Variants in ABCG1 observed in about 807,000 individuals in gnomAD.
ABCG1 encodes ATP binding cassette subfamily G member 1.
ABCG1 carries 29 observed loss-of-function variants against 69.2 expected under a neutral mutation model. The ratio of observed to expected loss-of-function variants is 0.42; its 90% confidence interval spans 0.31 to 0.57. The LOEUF (loss-of-function observed/expected upper bound fraction) is 0.57, where lower values mean the gene tolerates loss of function less well. ABCG1 is among the 20% of genes least tolerant of loss of function. The pLI is 0.15. For missense variants in ABCG1, 718 were observed against 898.1 expected, an observed-to-expected ratio of 0.80 and a Z score of 2.56; for synonymous variants, 370 against 374.8, an observed-to-expected ratio of 0.99 and a Z score of 0.15.
chr21:42,291,000 C>T, intron 11 of ABCG1, 92 bp from the exon 12 acceptor site: 1 of 931,324 alleles, frequency 1.1e-6, no homozygotes, highest in Non-Finnish European at 1.7e-6. Flanking sequence ...GCTGGGTTAC[C>T]AGCCGCTCAG....
chr21:42,287,662 G>C lies in ABCG1; in HGVS notation c.974-227G>C, dbSNP rs2068967963. On this transcript the variant is annotated intron_variant, in intron 8 of 14. Transcript: ENST00000398449. The surrounding 1 kb of genome is among the most constrained non-coding windows in gnomAD (Gnocchi z 6.2). ...TACTTCTCAGACCACTGACAGCACA[G>C]TGTGTGTTTGCGTTTCCCGTCTCCT... Among the ~76,000 whole-genome samples, 2 of 152,230 alleles carry C rather than the reference G, an allele frequency of 1.3e-5. No homozygotes were observed. Among genetic ancestry groups the C allele is most frequent in the Admixed American group, 1.3e-4 (2 of 15,288 alleles).
intron 1 of ABCG1, chr21:42,220,047 G>C: frequency 6.4e-7 from 1 of 1,551,620 alleles, no homozygotes. Flanking sequence ...CACAGTTACT[G>C]TAAGTGCTGT....
In ABCG1 at chr21:42,291,319, G is replaced by A. The variant is rs915775487; in HGVS notation, c.1494+127G>A. 8.6e-7 allele frequency: 1 copy of A among 1,161,642 alleles called. No individual in the cohort carries two copies. The highest frequency in any genetic ancestry group is 1.2e-6 in the Non-Finnish European group (1 of 809,916). 72.0% of individuals were successfully genotyped at this position (1,161,642 alleles called of 1,614,324 possible). A position where few individuals can be genotyped will look rare whatever the true frequency, so the allele number is the denominator to read the frequency against. On this transcript the variant is annotated intron_variant, in intron 12 of 14. Coordinates refer to ENST00000398449, the MANE Select transcript of ABCG1 (RefSeq NM_016818.3). The surrounding 1 kb of genome is among the most constrained non-coding windows in gnomAD (Gnocchi z 6.4). ...CCCGACTTCGGGAGCTCTGGTGGGAGCTGCGGGGAAGGGCCTGACTTCGGG... is the reference window on the plus strand; with the variant it reads ...CCCGACTTCGGGAGCTCTGGTGGGAACTGCGGGGAAGGGCCTGACTTCGGG...
rs1000759364 is a variant in ABCG1 at position 42,287,319 on chromosome 21, G to C, written c.974-570G>C. 2.0e-5 allele frequency among the ~76,000 whole-genome samples: 3 copies of C among 152,144 alleles called. No individual in the cohort carries two copies. Among genetic ancestry groups the C allele is most frequent in the Non-Finnish European group, 2.9e-5 (2 of 68,026 alleles). On this transcript the variant is annotated intron_variant, in intron 8 of 14. Coordinates refer to ENST00000398449, the MANE Select transcript of ABCG1 (RefSeq NM_016818.3). The surrounding 1 kb of genome is among the most constrained non-coding windows in gnomAD (Gnocchi z 6.2). ...AGTGGGGAGGTGACGATTGGGATGC[G>C]AGAGGCAGGAGCAGCGGGCAGGGCC...
At chr21:42,204,367 T>C (rs1165577640) in intron 2 of ABCG1, among the ~76,000 whole-genome samples, 3 of 152,196 alleles carry the variant, frequency 2.0e-5, no homozygotes, top group Non-Finnish European at 4.4e-5. Flanking sequence ...ATTAATTATA[T>C]TATTAACTGT....
chr21:42,247,307 G>C (rs553061549), intron 2 of ABCG1, among the ~76,000 whole-genome samples: 39 of 152,176 alleles, frequency 2.6e-4, no homozygotes, highest in Non-Finnish European at 4.9e-4. Context: ...AGGGACACAA[G>C]GAGCTCTCAC....
chr21:42,288,341 C>T lies in ABCG1; in HGVS notation c.1224+29C>T. 1 of 1,539,594 alleles carries T rather than the reference C, an allele frequency of 6.5e-7. No individual in the cohort carries two copies. The highest frequency in any genetic ancestry group is 1.4e-5 in the African/African-American group (1 of 73,508). ...AGGCTGCCCGCATCTTCTCCTGTAG[C>T]TGGGGAACCCGTGGGTCATTTTCTC... On this transcript the variant is annotated intron_variant, in intron 10 of 14. Coordinates refer to ENST00000398449, the MANE Select transcript of ABCG1 (RefSeq NM_016818.3). The surrounding 1 kb of genome is among the most constrained non-coding windows in gnomAD (Gnocchi z 4.8).
chr21:42,289,957 G>A lies in ABCG1; in HGVS notation c.1225-93G>A, dbSNP rs1285158623. ...CTAAGACGTGCTGTCACAGAGTTCA[G>A]GGTCCCATGCTTCCAAAGGCCGCAT... On this transcript the variant is annotated intron_variant, in intron 10 of 14. Coordinates refer to ENST00000398449, the MANE Select transcript of ABCG1 (RefSeq NM_016818.3). 7 of 1,443,982 alleles carry A rather than the reference G, an allele frequency of 4.8e-6. No individual in the cohort carries two copies. The African/African-American group carries it at 8.4e-5, about 17-fold the overall frequency. 89.4% of individuals were successfully genotyped at this position (1,443,982 alleles called of 1,614,324 possible). A position where few individuals can be genotyped will look rare whatever the true frequency, so the allele number is the denominator to read the frequency against.
At chr21:42,292,800 A>C (rs2069094438) in intron 13 of ABCG1, among the ~76,000 whole-genome samples, 1 of 144,810 alleles carries the variant, frequency 6.9e-6, no homozygotes, top group Non-Finnish European at 1.5e-5. Context: ...CACTATACAC[A>C]TACCACACTA....
At chr21:42,211,263 A>G (rs1208871331), upstream of ABCG1, among the ~76,000 whole-genome samples, 1 of 152,072 alleles carries the variant, frequency 6.6e-6, no homozygotes, top group Non-Finnish European at 1.5e-5. Flanking sequence ...TGGCCTCAGC[A>G]TTCCCATTTC....
intron 5 of ABCG1, among the ~76,000 whole-genome samples, chr21:42,277,548 A>C (rs956490187): frequency 6.6e-6 from 1 of 152,126 alleles, no homozygotes; most frequent in Non-Finnish European, 1.5e-5. Flanking sequence ...AGAAAGCCAC[A>C]CAGAGGAAGG....
chr21:42,204,098 T>A (rs960672988), intron 2 of ABCG1, among the ~76,000 whole-genome samples: 8 of 152,268 alleles, frequency 5.3e-5, no homozygotes, highest in Admixed American at 1.3e-4. Context: ...TCTTGTATCC[T>A]GCAACCTTGC....
At chr21:42,243,659 G>A (rs2068087985) in intron 2 of ABCG1, among the ~76,000 whole-genome samples, 1 of 152,090 alleles carries the variant, frequency 6.6e-6, no homozygotes, top group South Asian at 2.1e-4. Context: ...TTGCTGAGGG[G>A]CTGCAACAGA....
intron 2 of ABCG1, among the ~76,000 whole-genome samples, chr21:42,232,322 G>A (rs968164953): frequency 3.9e-5 from 6 of 152,174 alleles, no homozygotes; most frequent in African/African-American, 1.2e-4. Context: ...CTGTGAGCAC[G>A]TTGCAAGGGA....
rs1311117859 is a variant in ABCG1 at position 42,284,678 on chromosome 21, G to C, written c.853G>C (p.Asp285His). 1 of 1,612,836 alleles carries C rather than the reference G, an allele frequency of 6.2e-7. No homozygotes were observed. The highest frequency in any genetic ancestry group is 2.2e-5 in the East Asian group (1 of 44,892). ...QPSAKLFELF[D>H]QLYVLSQGQC... ...CAGCGCCAAACTCTTCGAGCTGTTCGACCAGGTACGCGGGCCCCGGGCCCT... is the reference window on the plus strand; with the variant it reads ...CAGCGCCAAACTCTTCGAGCTGTTCCACCAGGTACGCGGGCCCCGGGCCCT... Residue 285 changes from aspartate (D) to histidine (H), a missense_variant, in exon 7 of 15, where the codon GAC (aspartate) becomes CAC (histidine). Physicochemically the swap from Asp to His is moderately conservative, Grantham distance 81. Around this residue, in one of 2 missense-constraint regions of ABCG1, gnomAD observed 514 missense variants for 574.3 expected, o/e 0.90. Transcript: ENST00000398449.
At position 42,288,000 on chromosome 21, in the gene ABCG1, A is replaced by G. The variant is rs1338502014; in HGVS notation, c.1085A>G (p.Glu362Gly). 1 of 1,613,070 alleles carries G rather than the reference A, an allele frequency of 6.2e-7. No homozygotes were observed. Among genetic ancestry groups the G allele is most frequent in the South Asian group, 1.1e-5 (1 of 90,964 alleles). Residue 362 changes from glutamate (E) to glycine (G), a missense_variant, in exon 9 of 15, where the codon GAG (glutamate) becomes GGG (glycine). Glu to Gly is a moderately conservative substitution (Grantham distance 98). Coordinates refer to ENST00000398449, the MANE Select transcript of ABCG1 (RefSeq NM_016818.3). The surrounding 1 kb of genome is among the most constrained non-coding windows in gnomAD (Gnocchi z 6.2). ...AAGAGAGACCTCGGGGGTGATGCCG[A>G]GGTGAACCCTTTTCTTTGGCACCGG... The part of the protein sequence containing the change: ...DHKRDLGGDA[E>G]VNPFLWHRPS...
intron 2 of ABCG1, among the ~76,000 whole-genome samples, chr21:42,249,935 G>A (rs2068192077): frequency 6.6e-6 from 1 of 151,910 alleles, no homozygotes; most frequent in South Asian, 2.1e-4. Context: ...AACCTGGGAG[G>A]CGGAGGTTGC....
At chr21:42,210,959 C>CTTCTTCTTCTGCT (rs772743532) in intron 2 of ABCG1, among the ~76,000 whole-genome samples, 1 of 137,382 alleles carries the variant, frequency 7.3e-6, no homozygotes, top group African/African-American at 2.7e-5. Flanking sequence ...TTTCTTTCTT[C>CTTCTTCTTCTGCT]TTTTTTTTTT....
chr21:42,292,909 T>C (rs1415155413), intron 13 of ABCG1, among the ~76,000 whole-genome samples: 3 of 110,382 alleles, frequency 2.7e-5, no homozygotes, highest in South Asian at 3.0e-4. Context: ...CACTACACAC[T>C]ACACACCACA....
Sources: allele counts gnomAD v4.1 joint callset (sites outside exome capture counted in the v4.1 genomes callset), GRCh38; gene constraint gnomAD v4.1.1; regional missense constraint gnomAD v4.1.1; non-coding constraint Gnocchi (gnomAD v3.1); transcripts MANE v1.5; gene names NCBI Gene and HGNC (gene_info 2026-07-23, HGNC 2026-07-21).